Variants in LY6G6F observed in about 807,000 individuals in gnomAD.
LY6G6F encodes lymphocyte antigen 6 family member G6F, also known as lymphocyte antigen 6 complex locus protein G6f.
LY6G6F carries 26 observed loss-of-function variants against 33.0 expected under a neutral mutation model. The observed-to-expected ratio is 0.79, with a 90% CI of 0.58 to 1.09. The LOEUF (loss-of-function observed/expected upper bound fraction) is 1.09. Ranked by LOEUF, LY6G6F falls within the 50% of genes least tolerant of loss-of-function variation. The pLI is 0.00. For missense variants in LY6G6F, 317 were observed against 372.0 expected, an observed-to-expected ratio of 0.85 and a Z score of 1.22; for synonymous variants, 132 against 148.1, an observed-to-expected ratio of 0.89 and a Z score of 0.79.
Position 31,707,876 on chromosome 6 carries a change from C to A in LY6G6F, c.388C>A (p.Gln130Lys), listed in dbSNP as rs776828363. ...AATCCCTCTCTCCCCTACAGGATCC[C>A]AGTTATCTGCAAGGGCTGCAGATGG... ...VYDVLVLKGS[Q>K]LSARAADGSP... Residue 130 changes from glutamine to lysine, a missense_variant, in exon 3 of 6, where the codon CAG (glutamine) becomes AAG (lysine). By Grantham distance (53) the Gln-to-Lys change is moderately conservative. Coordinates refer to ENST00000375832, the MANE Select transcript of LY6G6F (RefSeq NM_001003693.3). The surrounding 1 kb of genome is among the most constrained non-coding windows in gnomAD (Gnocchi z 4.1). 1.2e-6 allele frequency: 2 copies of A among 1,612,900 alleles called. No homozygotes were observed. Among genetic ancestry groups the A allele is most frequent in the African/African-American group, 2.7e-5 (2 of 74,904 alleles).
rs1805918503 is a variant in LY6G6F at position 31,710,122 on chromosome 6, T to C, written c.743T>C (p.Val248Ala). Residue 248 changes from valine (V) to alanine (A), a missense_variant, in exon 4 of 6, where the codon GTC becomes GCC. Val to Ala is a moderately conservative substitution (Grantham distance 64). Coordinates refer to ENST00000375832, the MANE Select transcript of LY6G6F (RefSeq NM_001003693.3). The surrounding 1 kb of genome is among the most constrained non-coding windows in gnomAD (Gnocchi z 4.7). Reference protein sequence around the residue: ...MLLLTMGQGVVILALSIVLWR... With the variant: ...MLLLTMGQGVAILALSIVLWR... ...CTGCTCACAATGGGCCAGGGAGTTG[T>C]CATCCTGGCCCTCAGCATCGTGCTC... 3 of 1,613,030 alleles carry C rather than the reference T, an allele frequency of 1.9e-6. No homozygotes were observed. Among genetic ancestry groups the C allele is most frequent in the Non-Finnish European group, 2.5e-6 (3 of 1,179,998 alleles).
chr6:31,707,906 C>A lies in LY6G6F; in HGVS notation c.418C>A (p.Pro140Thr). The A allele has an allele frequency of 6.2e-7, 1 of 1,613,592 alleles. No individual in the cohort carries two copies. Among genetic ancestry groups the A allele is most frequent in the South Asian group, 1.1e-5 (1 of 91,070 alleles). Residue 140 changes from proline to threonine, a missense_variant, in exon 3 of 6, where the codon CCC becomes ACC. Coordinates refer to ENST00000375832, the MANE Select transcript of LY6G6F (RefSeq NM_001003693.3). The surrounding 1 kb of genome is among the most constrained non-coding windows in gnomAD (Gnocchi z 4.1). ...QLSARAADGS[P>T]CNVLLCSVVP... ...ATCTGCAAGGGCTGCAGATGGATCCCCCTGCAATGTCCTCCTGTGCTCTGT... is the reference window on the plus strand; with the variant it reads ...ATCTGCAAGGGCTGCAGATGGATCCACCTGCAATGTCCTCCTGTGCTCTGT...
chr6:31,709,064 CTTTTTTTTT>C (rs71552074), intron 3 of LY6G6F, among the ~76,000 whole-genome samples: 2 of 52,172 alleles, frequency 3.8e-5, no homozygotes, highest in African/African-American at 2.0e-4. Flanking sequence ...CACGCCTGGC[CTTTTTTTTT>C]TTTTTTTTTT....
At chr6:31,710,674 AG>A in exon 6 of LY6G6F, 1 of 1,575,528 alleles carries the variant, frequency 6.3e-7, no homozygotes, top group Non-Finnish European at 8.7e-7. The surrounding 1 kb of genome is among the most constrained non-coding windows in gnomAD (Gnocchi z 4.7). Flanking sequence ...AACCTTAGCA[AG>A]GGGGGCGGGA....
Position 31,707,271 on chromosome 6 carries a change from G to C in LY6G6F, c.53-187G>C. ...AGACCCCCTCACTGGCTGGGGGAGAGAGGAGGAAAGCCCTTACCCTCTTCT... is the reference window on the plus strand; with the variant it reads ...AGACCCCCTCACTGGCTGGGGGAGACAGGAGGAAAGCCCTTACCCTCTTCT... On this transcript the variant is annotated intron_variant, in intron 1 of 5. Coordinates refer to ENST00000375832, the MANE Select transcript of LY6G6F (RefSeq NM_001003693.3). The surrounding 1 kb of genome is among the most constrained non-coding windows in gnomAD (Gnocchi z 4.1). Among the ~76,000 whole-genome samples the C allele has an allele frequency of 6.6e-6, 1 of 152,292 alleles. No individual in the cohort carries two copies. The highest frequency in any genetic ancestry group is 2.4e-5 in the African/African-American group (1 of 41,552).
Position 31,707,626 on chromosome 6 carries a change from C to A in LY6G6F, c.221C>A (p.Pro74His), listed in dbSNP as rs373254264. Residue 74 changes from proline to histidine, a missense_variant, in exon 2 of 6, where the codon CCT becomes CAT. Coordinates refer to ENST00000375832, the MANE Select transcript of LY6G6F (RefSeq NM_001003693.3). The surrounding 1 kb of genome is among the most constrained non-coding windows in gnomAD (Gnocchi z 4.1). ...CAAGTGGGCAGGCCAGCCCCAGACC[C>A]TGGAAAACCAGGAAGGGAATCCAGG... is the stretch of plus-strand genomic sequence containing the variant. ...QVQVGRPAPD[P>H]GKPGRESRLR... The A allele has an allele frequency of 3.7e-6, 6 of 1,613,820 alleles. No homozygotes were observed. The highest frequency in any genetic ancestry group is 3.3e-5 in the South Asian group (3 of 91,018).
rs760410150 is a variant in LY6G6F, at chr6:31,707,534, G to A, written c.129G>A (p.Gly43=). ...GTCCCTCACCACCTACTCTACATGG[G>A]GACGAACACCTGTCATGGTTCTGCA... ...LPCPSPPTLH[G]DEHLSWFCSP... is the part of the protein sequence containing the mutation. The change falls in exon 2 of 6, where the codon GGG becomes GGA. Residue 43 remains glycine, a synonymous_variant. Transcript: ENST00000375832. The surrounding 1 kb of genome is among the most constrained non-coding windows in gnomAD (Gnocchi z 4.1). 1.4e-5 allele frequency: 23 copies of A among 1,614,136 alleles called. No individual in the cohort carries two copies. The highest frequency in any genetic ancestry group is 1.8e-5 in the Non-Finnish European group (21 of 1,180,000).
rs902371015 is a variant in LY6G6F, at chr6:31,707,316, G to A, written c.53-142G>A. On this transcript the variant is annotated intron_variant, in intron 1 of 5. Transcript: ENST00000375832. This position sits in a 1 kb window ranked among gnomAD's most constrained non-coding sequence, Gnocchi z 4.1. The stretch of plus-strand genomic sequence containing the variant: ...TCTTCTCTCCACCTGTCTTATTTTT[G>A]TAGCTGTCACTTGAGAAATGTGGTC... 14 of 715,250 alleles carry A rather than the reference G, an allele frequency of 2.0e-5. No individual in the cohort carries two copies. The highest frequency in any genetic ancestry group is 7.2e-5 in the African/African-American group (4 of 55,628). The allele number at this position is 715,250 out of a possible 1,614,324, so 44.3% of individuals were successfully genotyped here.
chr6:31,710,200 G>T lies in LY6G6F; in HGVS notation c.802+19G>T. 2.5e-6 allele frequency: 4 copies of T among 1,607,736 alleles called. No homozygotes were observed. The highest frequency in any genetic ancestry group is 3.4e-6 in the Non-Finnish European group (4 of 1,176,324). On this transcript the variant is annotated intron_variant, in intron 4 of 5. Transcript: ENST00000375832. This position sits in a 1 kb window ranked among gnomAD's most constrained non-coding sequence, Gnocchi z 4.7. ...GGCAGAGGTGAGTCCCTCCCTCCCC[G>T]GGGAAAGAAGAGGGCACATGGGTGG...
At chr6:31,708,313 A>C (rs1255670283) in intron 3 of LY6G6F, among the ~76,000 whole-genome samples, 179 bp downstream of exon 3, 1 of 152,182 alleles carries the variant, frequency 6.6e-6, no homozygotes, top group Non-Finnish European at 1.5e-5. Context: ...TGCCTGCCTC[A>C]GTCTCCCAAA....
Position 31,710,045 on chromosome 6 carries a change from T to C in LY6G6F, c.666T>C (p.Pro222=), listed in dbSNP as rs1180910003. The change falls in exon 4 of 6, where the codon CCT becomes CCC. Residue 222 remains proline, a synonymous_variant. Coordinates refer to ENST00000375832, the MANE Select transcript of LY6G6F (RefSeq NM_001003693.3). This position sits in a 1 kb window ranked among gnomAD's most constrained non-coding sequence, Gnocchi z 4.7. ...CTACAGCCTCCATCGATGCTTCTCCTGCCCTCTGTGCCCCTTCCACGGGCT... is the reference window on the plus strand; with the variant it reads ...CTACAGCCTCCATCGATGCTTCTCCCGCCCTCTGTGCCCCTTCCACGGGCT... ...FSLAASIDAS[P]ALCAPSTGWD... is the part of the protein sequence containing the mutation. The C allele has an allele frequency of 6.2e-7, 1 of 1,612,878 alleles. No homozygotes were observed. The highest frequency in any genetic ancestry group is 8.5e-7 in the Non-Finnish European group (1 of 1,179,900).
chr6:31,707,802 G>A lies in LY6G6F; in HGVS notation c.382+15G>A. The A allele has an allele frequency of 3.7e-6, 6 of 1,610,218 alleles. No homozygotes were observed. The highest frequency in any genetic ancestry group is 5.1e-6 in the Non-Finnish European group (6 of 1,176,960). ...GGTGCTCAAAGGTGAGTGGGGGCAT[G>A]CAGACCAGGGGCTACTGTGGCCCAG... On this transcript the variant is annotated intron_variant, in intron 2 of 5. Coordinates refer to ENST00000375832, the MANE Select transcript of LY6G6F (RefSeq NM_001003693.3). The surrounding 1 kb of genome is among the most constrained non-coding windows in gnomAD (Gnocchi z 4.1).
chr6:31,707,099 C>T lies in LY6G6F; in HGVS notation c.52+141C>T. The T allele has an allele frequency of 1.1e-6, 1 of 875,014 alleles. No individual in the cohort carries two copies. Among genetic ancestry groups the T allele is most frequent in the Non-Finnish European group, 1.9e-6 (1 of 540,082 alleles). The allele number at this position is 875,014 out of a possible 1,614,324, so 54.2% of individuals were successfully genotyped here. A position where few individuals can be genotyped will look rare whatever the true frequency, so the allele number is the denominator to read the frequency against. On this transcript the variant is annotated intron_variant, in intron 1 of 5. Transcript: ENST00000375832. This position sits in a 1 kb window ranked among gnomAD's most constrained non-coding sequence, Gnocchi z 4.1. ...AACCAACCTCCTCCTGCCTCTGACA[C>T]TAGGGAAGACCCAGAGGCAACGAGG...
chr6:31,709,351 C>A (rs1396197259), intron 3 of LY6G6F, among the ~76,000 whole-genome samples: 1 of 151,596 alleles, frequency 6.6e-6, no homozygotes, highest in Non-Finnish European at 1.5e-5. Flanking sequence ...CCTCTGACTC[C>A]CTGGTTCAAG....
At position 31,707,014 on chromosome 6, in the gene LY6G6F, A is replaced by C. The variant is rs1036812173; in HGVS notation, c.52+56A>C. ...CTATTTGCAAGGTTGGGGAGGGACT[A>C]CTGCTCTTTCTCCTAGGAGCCTGGC... On this transcript the variant is annotated intron_variant, in intron 1 of 5. Coordinates refer to ENST00000375832, the MANE Select transcript of LY6G6F (RefSeq NM_001003693.3). The surrounding 1 kb of genome is among the most constrained non-coding windows in gnomAD (Gnocchi z 4.1). The C allele has an allele frequency of 2.4e-5, 37 of 1,570,082 alleles. No individual in the cohort carries two copies. The highest frequency in any genetic ancestry group is 3.2e-5 in the Non-Finnish European group (36 of 1,140,108).
chr6:31,707,631 A>C lies in LY6G6F; in HGVS notation c.226A>C (p.Lys76Gln), dbSNP rs1167782878. 5.0e-6 allele frequency: 8 copies of C among 1,613,706 alleles called. No individual in the cohort carries two copies. The highest frequency in any genetic ancestry group is 6.8e-6 in the Non-Finnish European group (8 of 1,179,852). Residue 76 changes from lysine (K) to glutamine (Q), a missense_variant, in exon 2 of 6, where the codon AAA becomes CAA. Transcript: ENST00000375832. This position sits in a 1 kb window ranked among gnomAD's most constrained non-coding sequence, Gnocchi z 4.1. ...QVGRPAPDPG[K>Q]PGRESRLRLL... The stretch of plus-strand genomic sequence containing the variant: ...GGGCAGGCCAGCCCCAGACCCTGGA[A>C]AACCAGGAAGGGAATCCAGGCTCAG...
In LY6G6F at chr6:31,710,583, C is replaced by A. The variant is rs368228447; in HGVS notation, c.886C>A (p.Pro296Thr). ...ACCCCACAGCCCACCTGCCCACAAG[C>A]CCAGGTGATTTTGGTGACATCTGCT... ...LARLGPPAHKPR is the reference protein window; with the variant it reads ...LARLGPPAHKTR The change falls in exon 6 of 6, where the codon CCC becomes ACC. Residue 296 changes from proline (P) to threonine (T), a missense_variant. Transcript: ENST00000375832. This position sits in a 1 kb window ranked among gnomAD's most constrained non-coding sequence, Gnocchi z 4.7. 6.8e-5 allele frequency: 110 copies of A among 1,614,070 alleles called. 2 individuals are homozygous for A. The East Asian group carries it at 9.4e-4, about 14-fold the overall frequency.
In LY6G6F at chr6:31,706,895, C is replaced by T. The variant is rs775274636; in HGVS notation, c.-12C>T. On this transcript the variant is annotated 5_prime_UTR_variant, in exon 1 of 6. Transcript: ENST00000375832. ...CAGGTCTTGGAGCAAGAGAACTTGG[C>T]AGGCTCTCCCCATGGCAGTCTTATT... is the stretch of plus-strand genomic sequence containing the variant. The T allele has an allele frequency of 8.7e-6, 14 of 1,614,054 alleles. No individual in the cohort carries two copies. Among genetic ancestry groups the T allele is most frequent in the East Asian group, 4.5e-5 (2 of 44,866 alleles).
At position 31,708,012 on chromosome 6, in the gene LY6G6F, G is replaced by A; in HGVS notation, c.524G>A (p.Gly175Asp). 1.2e-6 allele frequency: 2 copies of A among 1,613,090 alleles called. No homozygotes were observed. The highest frequency in any genetic ancestry group is 1.7e-6 in the Non-Finnish European group (2 of 1,180,026). Residue 175 changes from glycine to aspartate, a missense_variant, in exon 3 of 6, where the codon GGC (glycine) becomes GAC (aspartate). Physicochemically the swap from Gly to Asp is moderately conservative, Grantham distance 94 (BLOSUM62 -1). Transcript: ENST00000375832. ...AGGGGCCGTGTTCAGTCCTTCTGGG[G>A]CAGTGAGGCTGCCCTGCTCTTGGTG... Reference protein sequence around the residue: ...PVRGRVQSFWGSEAALLLVCP... With the variant: ...PVRGRVQSFWDSEAALLLVCP...
Sources: gnomAD v4.1 joint callset for allele counts (sites outside exome capture counted in the v4.1 genomes callset) on GRCh38, gnomAD v4.1.1 for gene constraint, Gnocchi (gnomAD v3.1) non-coding constraint, MANE v1.5 for transcripts, NCBI Gene and HGNC (gene_info 2026-07-23, HGNC 2026-07-21) for gene names.